Variants in KANTR observed in about 807,000 individuals in gnomAD.
KANTR encodes the protein KANTR integral membrane protein, also known as KDM5C adjacent transcript.
At chrX:53,140,715 T>G (rs1432695562) in intron 2 of KANTR, among the ~76,000 whole-genome samples, 1 of 110,847 alleles carries the variant, frequency 9.0e-6, no homozygotes, top group Non-Finnish European at 1.9e-5. Flanking sequence ...CTTCTCTCAT[T>G]AAAGTAGAGA....
chrX:53,109,306 G>A (rs1048516339), intron 2 of KANTR, among the ~76,000 whole-genome samples: 1 of 111,724 alleles, frequency 9.0e-6, no homozygotes, highest in East Asian at 2.8e-4. Context: ...TTTTGAGATG[G>A]AGTTTCGCTC....
intron 1 of KANTR, among the ~76,000 whole-genome samples, chrX:53,097,987 G>A (rs1343448965): frequency 3.0e-5 from 3 of 98,578 alleles, no homozygotes; most frequent in Non-Finnish European, 4.0e-5. Flanking sequence ...GGAGGCAGAC[G>A]TTGCAGTGAG....
intron 2 of KANTR, among the ~76,000 whole-genome samples, chrX:53,110,712 C>T (rs782426439): frequency 9.0e-6 from 1 of 111,468 alleles, no homozygotes; most frequent in African/African-American, 3.3e-5. Flanking sequence ...ATCACAAGGT[C>T]AGGAGTTTGA....
downstream of KANTR, among the ~76,000 whole-genome samples, chrX:53,130,587 T>G (rs1933349238): frequency 8.9e-6 from 1 of 112,695 alleles, no homozygotes; most frequent in African/African-American, 3.2e-5. Flanking sequence ...AATATGCACT[T>G]CATAGGATTA....
downstream of KANTR, chrX:53,143,165 T>A: frequency 1.1e-6 from 1 of 925,654 alleles, no homozygotes; most frequent in Non-Finnish European, 1.6e-6. Context: ...AACCACTTGT[T>A]GCCGATGGTG....
At chrX:53,112,316 T>G (rs1357656359) in intron 2 of KANTR, among the ~76,000 whole-genome samples, 1 of 112,534 alleles carries the variant, frequency 8.9e-6, no homozygotes, top group African/African-American at 3.2e-5. Context: ...TTCCTTTTTA[T>G]GGCTGAGTAG....
intron 1 of KANTR, among the ~76,000 whole-genome samples, chrX:53,098,794 C>G (rs781953777): frequency 9.1e-6 from 1 of 110,391 alleles, no homozygotes; most frequent in Non-Finnish European, 1.9e-5. Context: ...GGCGCGATCA[C>G]GGCTCACTGC....
exon 3 of KANTR, chrX:53,126,387 T>C (rs1381210600): frequency 9.0e-6 from 1 of 111,663 alleles, no homozygotes; most frequent in Admixed American, 9.6e-5. Flanking sequence ...TGAGATTTTC[T>C]ATCTCCTTGT....
At chrX:53,124,175 GAT>G (rs1933264018) in exon 3 of KANTR, 5 of 284,070 alleles carry the variant, frequency 1.8e-5, no homozygotes, top group Non-Finnish European at 3.1e-5. Flanking sequence ...ATTTTGGTAA[GAT>G]AACAGTTTTC....
At chrX:53,101,501 C>G (rs943783264) in intron 2 of KANTR, among the ~76,000 whole-genome samples, 4 of 111,969 alleles carry the variant, frequency 3.6e-5, no homozygotes, top group Non-Finnish European at 3.8e-5. Context: ...GACTCGAATA[C>G]TTAGAAGCCA....
downstream of KANTR, chrX:53,143,958 G>A (rs1042435913): frequency 8.2e-5 from 25 of 303,064 alleles, no homozygotes; most frequent in Middle Eastern, 9.3e-4. Flanking sequence ...GGGAAGACAC[G>A]GTGTGGGGGC....
At chrX:53,097,743 AC>A (rs1932856488) in intron 1 of KANTR, among the ~76,000 whole-genome samples, 1 of 108,229 alleles carries the variant, frequency 9.2e-6, no homozygotes, top group Non-Finnish European at 1.9e-5. Flanking sequence ...TAGATTCCCC[AC>A]ATGTTAAGAA....
At chrX:53,095,393 T>A (rs1932838778) in intron 1 of KANTR, among the ~76,000 whole-genome samples, 1 of 110,628 alleles carries the variant, frequency 9.0e-6, no homozygotes, top group Non-Finnish European at 1.9e-5. Flanking sequence ...GAATACTCCC[T>A]TTATTTTCTT....
At chrX:53,119,822 C>A (rs1024642530) in intron 2 of KANTR, among the ~76,000 whole-genome samples, 1 of 109,062 alleles carries the variant, frequency 9.2e-6, no homozygotes, top group Non-Finnish European at 1.9e-5. Flanking sequence ...TGGGCTCAAG[C>A]GGTCCTCCCA....
chrX:53,142,113 A>G (rs1278780555), exon 3 of KANTR: 1 of 123,259 alleles, frequency 8.1e-6, no homozygotes, highest in Non-Finnish European at 1.6e-5. Flanking sequence ...CTTGTCTTCC[A>G]CAAGCACGTT....
chrX:53,143,501 G>T, downstream of KANTR: 2 of 599,397 alleles, frequency 3.3e-6, no homozygotes, highest in Non-Finnish European at 5.8e-6. Context: ...GGACAACACG[G>T]CCTGGATGGC....
downstream of KANTR, chrX:53,143,950 G>C: frequency 3.2e-6 from 1 of 316,783 alleles, no homozygotes; most frequent in African/African-American, 2.6e-5. Context: ...GGAGCCATGG[G>C]AAGACACGGT....
intron 1 of KANTR, among the ~76,000 whole-genome samples, chrX:53,097,350 G>GTTTTTTTTTTTTTTTTTT (rs781783647): frequency 2.9e-5 from 2 of 67,978 alleles, no homozygotes; most frequent in Non-Finnish European, 5.3e-5. Flanking sequence ...TTTGTTTTAA[G>GTTTTTTTTTTTTTTTTTT]TTTTTTTTTT....
intron 2 of KANTR, among the ~76,000 whole-genome samples, chrX:53,133,941 C>G (rs1189551967): frequency 8.9e-6 from 1 of 111,798 alleles, no homozygotes; most frequent in African/African-American, 3.3e-5. Flanking sequence ...TTCTCTCCAG[C>G]TTATCCTCTC....
Sources: gnomAD v4.1 joint callset for allele counts (sites outside exome capture counted in the v4.1 genomes callset) on GRCh38, gnomAD v4.1.1 for gene constraint, MANE v1.5 for transcripts, NCBI Gene and HGNC (gene_info 2026-07-23, HGNC 2026-07-21) for gene names.